The following PRKAG2 variants were observed in gnomAD, a reference collection of about 807,000 sequenced individuals.
PRKAG2 encodes 5'-AMP-activated protein kinase subunit gamma-2.
PRKAG2 carries 26 observed loss-of-function variants against 69.6 expected under a neutral mutation model. The ratio of observed to expected loss-of-function variants is 0.37; its 90% CI spans 0.27 to 0.52. The LOEUF is 0.52. PRKAG2 is among the 20% of genes least tolerant of loss of function. The pLI is 0.90. For missense variants in PRKAG2, 557 were observed against 740.0 expected (o/e 0.75, Z 2.87); for synonymous variants, 293 against 285.0 (o/e 1.03, Z -0.28).
chr7:151,686,860 A>G (rs1585762383), intron 3 of PRKAG2, among the ~76,000 whole-genome samples: 1 of 152,354 alleles, frequency 6.6e-6, no homozygotes, highest in Middle Eastern at 3.4e-3. Context: ...AACTGTTCAA[A>G]ATATGTTGGA....
At chr7:151,832,608 C>T (rs1052274732) in intron 1 of PRKAG2, among the ~76,000 whole-genome samples, 18 of 142,346 alleles carry the variant, frequency 1.3e-4, no homozygotes, top group African/African-American at 4.5e-4. Context: ...GGGGGGGGTC[C>T]CAGCACAGCC....
chr7:151,758,513 G>A (rs12113991), intron 3 of PRKAG2, among the ~76,000 whole-genome samples: 1 of 152,202 alleles, frequency 6.6e-6, no homozygotes, highest in African/African-American at 2.4e-5. Flanking sequence ...GGAGGGAAAA[G>A]GATAAAGGCA....
At chr7:151,750,566 G>A (rs188516259) in intron 3 of PRKAG2, among the ~76,000 whole-genome samples, 253 of 152,348 alleles carry the variant, frequency 1.7e-3, no homozygotes, top group African/African-American at 5.7e-3. Flanking sequence ...CAGAAAGGCA[G>A]ACGGCAGCTT....
chr7:151,731,220 G>A (rs924936422), intron 3 of PRKAG2, among the ~76,000 whole-genome samples: 3 of 152,308 alleles, frequency 2.0e-5, no homozygotes, highest in Admixed American at 6.5e-5. Flanking sequence ...CAAAGAGGCC[G>A]AAAGAAAGGC....
At chr7:151,576,530 T>G (rs1808976310) in intron 6 of PRKAG2, 78 bp from the exon 7 acceptor site, 1 of 1,295,362 alleles carries the variant, frequency 7.7e-7, no homozygotes, top group Non-Finnish European at 1.1e-6. Flanking sequence ...AGACAAGGTT[T>G]CACTCTGTTG....
At position 151,777,705 on chromosome 7, in the gene PRKAG2, A is replaced by G. The variant is rs1366070471; in HGVS notation, c.466+3447T>C. Among the ~76,000 whole-genome samples, 1 of 152,208 alleles carries G rather than the reference A, an allele frequency of 6.6e-6. No homozygotes were observed. The highest frequency in any genetic ancestry group is 1.5e-5 in the Non-Finnish European group (1 of 68,036). On this transcript the variant is annotated intron_variant, in intron 3 of 15. Transcript: ENST00000287878. This position sits in a 1 kb window ranked among gnomAD's most constrained non-coding sequence, Gnocchi z 4.3. ...CCTCACAGGCTGGCTGGCTTTGCTC[A>G]TTACCTGGGCGGAGGCCAAGCTAAC...
In PRKAG2 at chr7:151,780,328, T is replaced by A. The variant is rs2076603256; in HGVS notation, c.466+824A>T. ...TAACACACAGTATTGCCAGTCTTTC[T>A]GAGTAAAAGTCAGCCTGGAGAGAAA... On this transcript the variant is annotated intron_variant, in intron 3 of 15. Coordinates refer to ENST00000287878, the MANE Select transcript of PRKAG2 (RefSeq NM_016203.4). This position sits in a 1 kb window ranked among gnomAD's most constrained non-coding sequence, Gnocchi z 4.2. Among the ~76,000 whole-genome samples, 1 of 152,240 alleles carries A rather than the reference T, an allele frequency of 6.6e-6. No homozygotes were observed. Among genetic ancestry groups the A allele is most frequent in the African/African-American group, 2.4e-5 (1 of 41,460 alleles).
chr7:151,801,951 G>T (rs79313741), intron 1 of PRKAG2, among the ~76,000 whole-genome samples: 5,988 of 152,308 alleles, frequency 0.039, 144 homozygotes, highest in South Asian at 0.094. Flanking sequence ...AGCAGGGCCT[G>T]GTCACTGAGG....
intron 1 of PRKAG2, among the ~76,000 whole-genome samples, chr7:151,843,225 A>G (rs2079352892): frequency 1.3e-5 from 2 of 152,186 alleles, no homozygotes; most frequent in South Asian, 2.1e-4. Flanking sequence ...AAGTGTCCAC[A>G]TGTCTAGAAC....
rs1586678051 is a variant in PRKAG2 at position 151,827,787 on chromosome 7, A to G, written c.115-41246T>C. ...AAAAAAAAAAAAACTGCCTTGCTGT[A>G]GCCTGTCGTGGTATGACTTCCAATG... On this transcript the variant is annotated intron_variant, in intron 1 of 15. Transcript: ENST00000287878. Among the ~76,000 whole-genome samples the G allele has an allele frequency of 4.6e-5, 6 of 130,168 alleles. No homozygotes were observed. The South Asian group carries it at 1.6e-3, about 35-fold the overall frequency. The allele number at this position is 130,168 out of a possible 152,430, so 85.4% of individuals were successfully genotyped here.
At chr7:151,585,007 A>T (rs1302066612) in intron 6 of PRKAG2, among the ~76,000 whole-genome samples, 1 of 152,166 alleles carries the variant, frequency 6.6e-6, no homozygotes, top group Non-Finnish European at 1.5e-5. Flanking sequence ...GGCACCATGA[A>T]CTGACCACAA....
At chr7:151,785,450 C>T (rs1476316955) in intron 2 of PRKAG2, among the ~76,000 whole-genome samples, 5 of 152,210 alleles carry the variant, frequency 3.3e-5, no homozygotes, top group Admixed American at 1.3e-4. Flanking sequence ...GGATGGGCCA[C>T]GAGAGCTGCT....
intron 1 of PRKAG2, among the ~76,000 whole-genome samples, chr7:151,808,557 C>T (rs368823296): frequency 2.6e-5 from 4 of 151,714 alleles, no homozygotes; most frequent in South Asian, 2.1e-4. Context: ...GACCCAGGAA[C>T]GTGTACTGTA....
chr7:151,852,806 G>C (rs111953415), intron 1 of PRKAG2, among the ~76,000 whole-genome samples: 1,980 of 152,202 alleles, frequency 0.013, 14 homozygotes, highest in Middle Eastern at 0.02. Flanking sequence ...ACGAGAATTA[G>C]CTTAGATCTT....
rs1004391934 is a variant in PRKAG2, at chr7:151,835,383, C to T, written c.114+41124G>A. On this transcript the variant is annotated intron_variant, in intron 1 of 15. Coordinates refer to ENST00000287878, the MANE Select transcript of PRKAG2 (RefSeq NM_016203.4). The surrounding 1 kb of genome is among the most constrained non-coding windows in gnomAD (Gnocchi z 4.1). ...TATTATTTTTAATTTTTTGTAGAGA[C>T]GGGTCTCCCTATGTTGCCCAGGCTG... Among the ~76,000 whole-genome samples the T allele has an allele frequency of 9.9e-5, 15 of 151,852 alleles. 1 individual carries two copies. Among genetic ancestry groups the T allele is most frequent in the South Asian group, 8.3e-4 (4 of 4,800 alleles).
intron 5 of PRKAG2, among the ~76,000 whole-genome samples, chr7:151,597,897 C>T (rs1215787371): frequency 7.1e-6 from 1 of 140,644 alleles, no homozygotes; most frequent in South Asian, 2.4e-4. Context: ...GAAAACAGTA[C>T]AGAGGTTCCT....
intron 3 of PRKAG2, among the ~76,000 whole-genome samples, chr7:151,705,828 C>T (rs1423788389): frequency 6.6e-6 from 1 of 152,112 alleles, no homozygotes; most frequent in Non-Finnish European, 1.5e-5. Context: ...GTAGAAATCT[C>T]ATAAGTGGCC....
chr7:151,629,449 G>A (rs1288129388), intron 5 of PRKAG2, among the ~76,000 whole-genome samples: 1 of 152,174 alleles, frequency 6.6e-6, no homozygotes, highest in African/African-American at 2.4e-5. Flanking sequence ...ACGGACAGAG[G>A]AACGTGGTCA....
At chr7:151,744,241 C>CG (rs2074114662) in intron 3 of PRKAG2, among the ~76,000 whole-genome samples, 1 of 152,222 alleles carries the variant, frequency 6.6e-6, no homozygotes, top group Non-Finnish European at 1.5e-5. Flanking sequence ...GCCGGTGCCC[C>CG]GGGGCCACGT....
Sources: gnomAD v4.1 joint callset for allele counts (sites outside exome capture counted in the v4.1 genomes callset) on GRCh38, gnomAD v4.1.1 for gene constraint, Gnocchi (gnomAD v3.1) non-coding constraint, MANE v1.5 for transcripts, NCBI Gene and HGNC (gene_info 2026-07-23, HGNC 2026-07-21) for gene names.